The following GPHN variants were observed in gnomAD, a reference collection of about 807,000 sequenced individuals.
GPHN encodes the protein gephyrin.
Under a neutral mutation model 95.5 loss-of-function variants are expected in GPHN, and 17 were observed. The ratio of observed to expected loss-of-function variants is 0.18; its 90% CI spans 0.12 to 0.27. The LOEUF is 0.27. Among genes scored for constraint, GPHN ranks in the 10% least tolerant of loss-of-function variants. GPHN has a pLI of 1.00. For synonymous variants in GPHN, 320 were observed against 322.5 expected, an observed-to-expected ratio of 0.99 and a Z score of 0.08; for missense variants, 660 against 978.1, an observed-to-expected ratio of 0.67 and a Z score of 4.34.
chr14:66,722,435 T>TTGTC (rs2070843989), intron 2 of GPHN, among the ~76,000 whole-genome samples: 1 of 151,714 alleles, frequency 6.6e-6, no homozygotes, highest in African/African-American at 2.4e-5. Context: ...TACTAAGGCT[T>TTGTC]TGTTTGTTTG....
chr14:67,596,411 G>A, the GPHN span, among the ~76,000 whole-genome samples: 1 of 149,604 alleles, frequency 6.7e-6, no homozygotes, highest in African/African-American at 2.5e-5. Context: ...AAAGTGCTGG[G>A]ATTCCAGGTG....
chr14:66,972,947 G>A (rs1458357835), intron 9 of GPHN, among the ~76,000 whole-genome samples: 3 of 152,014 alleles, frequency 2.0e-5, no homozygotes, highest in Admixed American at 6.6e-5. Context: ...AAATGTCAAC[G>A]TAGCCAAAAA....
rs191977225 is a variant in GPHN, at chr14:66,923,652, T to G, written c.730-542T>G. On this transcript the variant is annotated intron_variant, in intron 7 of 22. Coordinates refer to ENST00000478722, the MANE Select transcript of GPHN (RefSeq NM_020806.5). The stretch of plus-strand genomic sequence containing the variant: ...CCTACTAAAGTCAACCTAGTATGCC[T>G]TAATATCTACAGAAAGTAGCATATC... Among the ~76,000 whole-genome samples, 46 of 152,256 alleles carry G rather than the reference T, an allele frequency of 3.0e-4. No individual in the cohort carries two copies. The East Asian group carries it at 8.3e-3, about 27-fold the overall frequency.
At chr14:67,570,036 G>T in the GPHN span, 30 of 1,468,244 alleles carry the variant, frequency 2.0e-5, no homozygotes, top group Non-Finnish European at 2.6e-5. Context: ...GCACAAAGAG[G>T]GGGTGTCTCA....
the GPHN span, among the ~76,000 whole-genome samples, chr14:67,440,860 C>T: frequency 2.0e-5 from 3 of 152,122 alleles, no homozygotes; most frequent in Admixed American, 1.3e-4. Context: ...GGCCTACTTC[C>T]TCCATCTGGC....
chr14:67,521,963 T>A, the GPHN span, among the ~76,000 whole-genome samples: 1 of 151,884 alleles, frequency 6.6e-6, no homozygotes, highest in Admixed American at 6.6e-5. Flanking sequence ...GATCACGAGG[T>A]CAAGAGTTCA....
At chr14:66,947,161 A>G (rs960675620) in intron 8 of GPHN, among the ~76,000 whole-genome samples, 4 of 152,176 alleles carry the variant, frequency 2.6e-5, no homozygotes, top group African/African-American at 9.7e-5. Context: ...TTTATTGCTT[A>G]CTAAGCTCCA....
the GPHN span, among the ~76,000 whole-genome samples, chr14:67,341,475 C>T: frequency 1.3e-5 from 2 of 152,144 alleles, no homozygotes; most frequent in South Asian, 2.1e-4. Flanking sequence ...GGGGGTCAGC[C>T]CCCGGCCCGG....
At chr14:67,499,714 T>C in the GPHN span, among the ~76,000 whole-genome samples, 2 of 151,990 alleles carry the variant, frequency 1.3e-5, no homozygotes, top group Admixed American at 1.3e-4. Flanking sequence ...AGACCTCCAA[T>C]AGGTTAAAAA....
At chr14:66,582,626 C>T (rs2140479636) in intron 1 of GPHN, among the ~76,000 whole-genome samples, 1 of 151,560 alleles carries the variant, frequency 6.6e-6, no homozygotes, top group Admixed American at 6.6e-5. Flanking sequence ...TGAGTGAGAA[C>T]ATGCAGTGTT....
intron 8 of GPHN, among the ~76,000 whole-genome samples, chr14:66,943,788 C>T (rs989328750): frequency 6.6e-6 from 1 of 152,104 alleles, no homozygotes; most frequent in African/African-American, 2.4e-5. Flanking sequence ...AACCCAGTCA[C>T]CATAAGATCT....
chr14:67,497,190 G>A, the GPHN span, among the ~76,000 whole-genome samples: 5 of 152,128 alleles, frequency 3.3e-5, no homozygotes, highest in Admixed American at 6.6e-5. Context: ...TATATGCTGC[G>A]GGCACACACG....
intron 17 of GPHN, among the ~76,000 whole-genome samples, chr14:67,140,281 G>A (rs1409396055): frequency 6.6e-6 from 1 of 151,868 alleles, no homozygotes; most frequent in African/African-American, 2.4e-5. Flanking sequence ...CTCCTTGGGA[G>A]ACTGAGGCAG....
the GPHN span, among the ~76,000 whole-genome samples, chr14:67,254,027 C>G: frequency 8.0e-6 from 1 of 124,346 alleles, no homozygotes; most frequent in East Asian, 2.8e-4. Context: ...TATATTCATC[C>G]CCCCCCCCTT....
intron 6 of GPHN, among the ~76,000 whole-genome samples, chr14:66,921,170 CCA>C (rs1376914280): frequency 1.3e-5 from 2 of 152,140 alleles, no homozygotes; most frequent in East Asian, 1.9e-4. Context: ...TAAGGAATCT[CCA>C]CAGTTTTCCT....
the GPHN span, among the ~76,000 whole-genome samples, chr14:67,281,627 G>A: frequency 1.3e-5 from 2 of 152,062 alleles, no homozygotes; most frequent in Non-Finnish European, 2.9e-5. Flanking sequence ...TAAGATTAAA[G>A]TATTTGTCCA....
At chr14:66,689,676 C>T (rs55851563) in intron 2 of GPHN, among the ~76,000 whole-genome samples, 38,423 of 152,020 alleles carry the variant, frequency 0.25, 9,779 homozygotes, top group African/African-American at 0.62. Context: ...GCCATAGGGT[C>T]CCAGGCTTTT....
chr14:67,302,468 G>C, the GPHN span: 1 of 1,599,552 alleles, frequency 6.3e-7, no homozygotes, highest in Non-Finnish European at 8.5e-7. Flanking sequence ...GTAAAAGGGG[G>C]TGCTGCAGAG....
At chr14:67,369,970 G>A in the GPHN span, among the ~76,000 whole-genome samples, 15 of 152,132 alleles carry the variant, frequency 9.9e-5, no homozygotes, top group African/African-American at 3.4e-4. Flanking sequence ...TGAGAGCCCC[G>A]AACAGAGATT....
Sources: gnomAD v4.1 joint callset for allele counts (sites outside exome capture counted in the v4.1 genomes callset) on GRCh38, gnomAD v4.1.1 for gene constraint, MANE v1.5 for transcripts, NCBI Gene and HGNC (gene_info 2026-07-23, HGNC 2026-07-21) for gene names.